The following HTR1F variants were observed in gnomAD, a reference collection of about 807,000 sequenced individuals.
The protein encoded by HTR1F is 5-hydroxytryptamine receptor 1F, also known as 5-hydroxytryptamine (serotonin) receptor 1F, G protein-coupled.
HTR1F carries 17 observed loss-of-function variants against 24.0 expected under a neutral mutation model. The observed-to-expected ratio is 0.71, with a 90% CI of 0.48 to 1.06. The LOEUF is 1.06. Ranked by LOEUF, HTR1F falls within the 50% of genes least tolerant of loss-of-function variation. The pLI, the probability that HTR1F is intolerant of heterozygous loss-of-function variation, is 0.00. For missense variants in HTR1F, 391 were observed against 427.8 expected, an observed-to-expected ratio of 0.91 and a Z score of 0.76; for synonymous variants, 186 against 156.8, an observed-to-expected ratio of 1.19 and a Z score of -1.39.
chr3:87,963,460 C>G (rs1705103630), intron 2 of HTR1F, among the ~76,000 whole-genome samples: 1 of 152,100 alleles, frequency 6.6e-6, no homozygotes, highest in African/African-American at 2.4e-5. Context: ...GACTTACTTT[C>G]ACTAAATCTT....
chr3:87,945,074 G>A (rs536378420), intron 2 of HTR1F, among the ~76,000 whole-genome samples: 48 of 150,440 alleles, frequency 3.2e-4, no homozygotes, highest in African/African-American at 1.0e-3. Context: ...TCTCTTCTCT[G>A]TCTCTCTCTC....
intron 2 of HTR1F, among the ~76,000 whole-genome samples, chr3:87,913,996 T>G (rs1352891191): frequency 6.6e-6 from 1 of 152,102 alleles, no homozygotes; most frequent in Admixed American, 6.6e-5. Flanking sequence ...ACAGACCCCC[T>G]GAAGGAAGCG....
chr3:87,925,612 A>T (rs544826138), intron 2 of HTR1F, among the ~76,000 whole-genome samples: 14 of 152,272 alleles, frequency 9.2e-5, no homozygotes, highest in Non-Finnish European at 1.8e-4. Flanking sequence ...CTCAAAATAA[A>T]GTCATGCCAT....
intron 2 of HTR1F, among the ~76,000 whole-genome samples, chr3:87,864,777 T>A (rs1238076822): frequency 1.3e-5 from 2 of 151,222 alleles, no homozygotes; most frequent in African/African-American, 2.4e-5. Context: ...GCACCTGTAA[T>A]CCCCGCTACT....
intron 2 of HTR1F, among the ~76,000 whole-genome samples, chr3:87,931,583 C>A (rs1704273176): frequency 6.6e-6 from 1 of 152,156 alleles, no homozygotes; most frequent in South Asian, 2.1e-4. Flanking sequence ...ATGGCTGGAT[C>A]AAATGGTATA....
intron 2 of HTR1F, among the ~76,000 whole-genome samples, chr3:87,872,100 G>T (rs1206961905): frequency 6.6e-6 from 1 of 151,810 alleles, no homozygotes; most frequent in African/African-American, 2.4e-5. Flanking sequence ...AATAACAAAA[G>T]AAACATTGTA....
At position 87,990,948 on chromosome 3, in the gene HTR1F, G is replaced by A; in HGVS notation, c.199G>A (p.Val67Ile). The A allele has an allele frequency of 6.2e-7, 1 of 1,614,152 alleles. No individual in the cohort carries two copies. The highest frequency in any genetic ancestry group is 8.5e-7 in the Non-Finnish European group (1 of 1,180,016). The change falls in exon 3 of 3, where the codon GTC (valine) becomes ATC (isoleucine). Residue 67 changes from valine (V) to isoleucine (I), a missense_variant. Physicochemically the swap from Val to Ile is conservative, Grantham distance 29. Coordinates refer to ENST00000319595, the MANE Select transcript of HTR1F (RefSeq NM_001322209.2). ...CAATTATTTAATTTGTTCCCTTGCA[G>A]TCACAGATTTTCTTGTGGCTGTCCT... is the stretch of plus-strand genomic sequence containing the variant. ...PANYLICSLA[V>I]TDFLVAVLVM... is the part of the protein sequence containing the mutation.
At chr3:87,799,575 T>TAGATGAGCAA (rs1364131183) in intron 1 of HTR1F, among the ~76,000 whole-genome samples, 1 of 152,138 alleles carries the variant, frequency 6.6e-6, no homozygotes, top group East Asian at 1.9e-4. Flanking sequence ...AAGTAAAAAG[T>TAGATGAGCAA]AGATGAGCAA....
chr3:87,966,926 C>T (rs541452313), intron 2 of HTR1F, among the ~76,000 whole-genome samples: 1 of 152,124 alleles, frequency 6.6e-6, no homozygotes, highest in South Asian at 2.1e-4. Flanking sequence ...AACTCATATA[C>T]TCCAACTTTA....
chr3:87,941,031 C>T (rs1704555727), intron 2 of HTR1F, among the ~76,000 whole-genome samples: 1 of 152,188 alleles, frequency 6.6e-6, no homozygotes, highest in South Asian at 2.1e-4. Context: ...GTTGCAAGCT[C>T]GTCCTTTGGA....
chr3:87,859,899 G>A (rs991133776), intron 2 of HTR1F, among the ~76,000 whole-genome samples: 3 of 152,174 alleles, frequency 2.0e-5, no homozygotes, highest in African/African-American at 7.2e-5. Flanking sequence ...TTCATCCAGA[G>A]ATCAAAATCA....
intron 1 of HTR1F, among the ~76,000 whole-genome samples, chr3:87,805,005 C>T (rs1704050722): frequency 1.3e-5 from 2 of 151,846 alleles, no homozygotes; most frequent in South Asian, 4.2e-4. Flanking sequence ...CTAGAGTCAA[C>T]CTTTTGATAC....
chr3:87,902,796 T>A (rs1291136089), intron 2 of HTR1F, among the ~76,000 whole-genome samples: 4 of 133,768 alleles, frequency 3.0e-5, no homozygotes, highest in Non-Finnish European at 4.6e-5. Flanking sequence ...CCCCTTCCTG[T>A]GTCCATGTGT....
At position 87,967,570 on chromosome 3, in the gene HTR1F, G is replaced by A. The variant is rs376581171; in HGVS notation, c.-42-23138G>A. On this transcript the variant is annotated intron_variant, in intron 2 of 2. Transcript: ENST00000319595. ...CACGTGTCATTAGAGAGATCCGGTG[G>A]GAGGTAATTGAATCATGGGGGGGGG... Among the ~76,000 whole-genome samples the A allele has an allele frequency of 1.6e-3, 169 of 107,738 alleles. 1 individual carries two copies. The Middle Eastern group carries it at 0.033, about 21-fold the overall frequency. 70.7% of individuals were successfully genotyped at this position (107,738 alleles called of 152,430 possible). A position where few individuals can be genotyped will look rare whatever the true frequency, so the allele number is the denominator to read the frequency against.
At chr3:87,859,357 G>A (rs1705268951) in intron 2 of HTR1F, among the ~76,000 whole-genome samples, 1 of 152,182 alleles carries the variant, frequency 6.6e-6, no homozygotes, top group South Asian at 2.1e-4. Flanking sequence ...TCTGGGGATA[G>A]GACAAGAAGA....
At position 87,905,455 on chromosome 3, in the gene HTR1F, T is replaced by G. The variant is rs528444100; in HGVS notation, c.-43+83331T>G. ...TTTTGCTGCCCCTTAATTTTTAAAA[T>G]GTATACATTTTCTTTTTCCTCATGA... On this transcript the variant is annotated intron_variant, in intron 2 of 2. Coordinates refer to ENST00000319595, the MANE Select transcript of HTR1F (RefSeq NM_001322209.2). 5.1e-4 allele frequency among the ~76,000 whole-genome samples: 78 copies of G among 152,228 alleles called. 1 individual carries two copies. The highest frequency in any genetic ancestry group is 4.5e-3 in the Admixed American group (68 of 15,270).
At chr3:87,868,607 T>C (rs1190765731) in intron 2 of HTR1F, among the ~76,000 whole-genome samples, 1 of 151,756 alleles carries the variant, frequency 6.6e-6, no homozygotes, top group African/African-American at 2.4e-5. Context: ...AGGAAAAAAT[T>C]AAAATATATA....
In HTR1F at chr3:87,957,060, C is replaced by A. The variant is rs112670857; in HGVS notation, c.-42-33648C>A. On this transcript the variant is annotated intron_variant, in intron 2 of 2. Coordinates refer to ENST00000319595, the MANE Select transcript of HTR1F (RefSeq NM_001322209.2). ...TAGGAGAGTACCATTAAGACTTTCA[C>A]AAGGAAACAGGACGTTAGGTGCAGA... is the stretch of plus-strand genomic sequence containing the variant. Among the ~76,000 whole-genome samples the A allele has an allele frequency of 3.6e-3, 542 of 151,372 alleles. 4 individuals are homozygous for A. The highest frequency in any genetic ancestry group is 0.01 in the Middle Eastern group (3 of 294).
intron 2 of HTR1F, among the ~76,000 whole-genome samples, chr3:87,870,257 T>C (rs529366359): frequency 3.9e-5 from 6 of 152,244 alleles, no homozygotes; most frequent in South Asian, 2.1e-4. Flanking sequence ...CAAGTTATCA[T>C]TATATCTCAA....
Sources: allele counts gnomAD v4.1 joint callset (sites outside exome capture counted in the v4.1 genomes callset), GRCh38; gene constraint gnomAD v4.1.1; transcripts MANE v1.5; gene names NCBI Gene and HGNC (gene_info 2026-07-23, HGNC 2026-07-21).